The following UPF3B variants were observed in gnomAD, a reference collection of about 807,000 sequenced individuals.
UPF3B encodes regulator of nonsense transcripts 3B.
A neutral mutation model predicts 40.3 loss-of-function variants in UPF3B; 7 were observed. The ratio of observed to expected loss-of-function variants is 0.17; its 90% CI spans 0.10 to 0.33. UPF3B has a LOEUF of 0.33. UPF3B is among the 10% of genes least tolerant of loss of function. UPF3B has a pLI of 1.00. For missense variants in UPF3B, 229 were observed against 358.9 expected, an observed-to-expected ratio of 0.64 and a Z score of 2.93; for synonymous variants, 117 against 117.3, an observed-to-expected ratio of 1.00 and a Z score of 0.01.
Position 119,851,770 on chromosome X carries a change from G to A in UPF3B, c.260C>T (p.Thr87Met), listed in dbSNP as rs201741267. The change falls in exon 2 of 11, where the codon ACG (threonine) becomes ATG (methionine). Residue 87 changes from threonine (T) to methionine (M), a missense_variant. By Grantham distance (81) the Thr-to-Met change is moderately conservative. Around this residue, in one of 3 missense-constraint regions of UPF3B, gnomAD observed 87 missense variants for 184.2 expected, o/e 0.47. Transcript: ENST00000276201. ...TTCCTTTTTTTTTTTTTTTTACCTC[G>A]TATCATTAGAAAAAAACTCAAAATA... ...HDYFEFFSND[T>M]SLYPHMYARA... 7 of 359,803 alleles carry A rather than the reference G, an allele frequency of 1.9e-5. No individual in the cohort carries two copies. Among genetic ancestry groups the A allele is most frequent in the East Asian group, 2.5e-4 (1 of 3,986 alleles). 29.7% of individuals were successfully genotyped at this position (359,803 alleles called of 1,213,427 possible).
chrX:119,852,362 C>T (rs1603372960), intron 1 of UPF3B, among the ~76,000 whole-genome samples: 1 of 111,224 alleles, frequency 9.0e-6, no homozygotes, highest in East Asian at 2.8e-4. Flanking sequence ...AGGATGCTCT[C>T]GATCTACCCT....
At chrX:119,830,173 G>T (rs750895136), downstream of UPF3B, among the ~76,000 whole-genome samples, 2 of 111,543 alleles carry the variant, frequency 1.8e-5, no homozygotes, top group East Asian at 5.6e-4. Flanking sequence ...TGAAAATCAG[G>T]CAAAAGCTCA....
chrX:119,845,559 T>C (rs112552167), intron 3 of UPF3B, among the ~76,000 whole-genome samples: 1 of 112,303 alleles, frequency 8.9e-6, no homozygotes, highest in East Asian at 2.8e-4. Flanking sequence ...GATATTTTAA[T>C]GTGAAAAAGA....
chrX:119,807,027 T>TA (rs1191950024), intron 6 of UPF3B, among the ~76,000 whole-genome samples: 1,043 of 21,192 alleles, frequency 0.049, 46 homozygotes, highest in Admixed American at 0.16. Context: ...AGACCCTGTC[T>TA]AAAAAAAAAA....
At chrX:119,849,016 A>T (rs1205039489) in intron 3 of UPF3B, among the ~76,000 whole-genome samples, 1 of 112,031 alleles carries the variant, frequency 8.9e-6, no homozygotes, top group Admixed American at 9.5e-5. Context: ...ATGGGAAAAA[A>T]ATTCACAAGC....
chrX:119,822,998 C>T (rs1355384671), exon 4 of UPF3B: 47 of 888,262 alleles, frequency 5.3e-5, no homozygotes, highest in Non-Finnish European at 6.4e-5. Context: ...CAGAGTCGAC[C>T]TCGGCCTCGA....
intron 4 of UPF3B, among the ~76,000 whole-genome samples, chrX:119,844,029 T>A (rs1333920394): frequency 2.7e-5 from 3 of 111,803 alleles, no homozygotes; most frequent in Non-Finnish European, 3.8e-5. Context: ...TATTTTGGTT[T>A]TTCAGTTCTT....
At chrX:119,809,567 G>T (rs993030609) in intron 5 of UPF3B, among the ~76,000 whole-genome samples, 1 of 111,187 alleles carries the variant, frequency 9.0e-6, no homozygotes, top group African/African-American at 3.3e-5. Flanking sequence ...CTAAAAAACA[G>T]AAAAATTAGC....
chrX:119,815,603 T>C (rs2055858566), intron 4 of UPF3B, among the ~76,000 whole-genome samples: 1 of 111,730 alleles, frequency 9.0e-6, no homozygotes, highest in South Asian at 3.7e-4. Context: ...ACAACAGCCT[T>C]GACATTCCAG....
At chrX:119,821,747 G>A (rs1457775467) in intron 4 of UPF3B, among the ~76,000 whole-genome samples, 1 of 109,577 alleles carries the variant, frequency 9.1e-6, no homozygotes, top group African/African-American at 3.3e-5. Context: ...GCAGTGAGCC[G>A]AGATTGTGCC....
At chrX:119,813,686 C>T (rs781654349) in intron 5 of UPF3B, among the ~76,000 whole-genome samples, 6 of 108,842 alleles carry the variant, frequency 5.5e-5, no homozygotes, top group Admixed American at 9.9e-5. Context: ...CTCGGCCTCC[C>T]GAGTAGCTTG....
At chrX:119,819,842 CTTTT>C (rs34094727) in intron 4 of UPF3B, among the ~76,000 whole-genome samples, 1 of 68,642 alleles carries the variant, frequency 1.5e-5, no homozygotes, top group Non-Finnish European at 2.8e-5. Flanking sequence ...TCTATTTTTC[CTTTT>C]TTTTTTTTTT....
At chrX:119,813,161 C>T (rs2147754096) in intron 5 of UPF3B, among the ~76,000 whole-genome samples, 1 of 111,923 alleles carries the variant, frequency 8.9e-6, no homozygotes, top group South Asian at 3.8e-4. Flanking sequence ...GAATGAAAAT[C>T]AGGCAAAAGC....
intron 3 of UPF3B, among the ~76,000 whole-genome samples, chrX:119,826,793 C>G (rs1042516417): frequency 8.9e-6 from 1 of 112,059 alleles, no homozygotes; most frequent in African/African-American, 3.2e-5. Flanking sequence ...TGATACGTGG[C>G]TTTCCCAGTA....
chrX:119,846,991 G>T, intron 3 of UPF3B, among the ~76,000 whole-genome samples: 1 of 112,259 alleles, frequency 8.9e-6, no homozygotes, highest in Non-Finnish European at 1.9e-5. Flanking sequence ...TTTCTTCAAA[G>T]ATAATATACA....
intron 1 of UPF3B, among the ~76,000 whole-genome samples, 190 bp from the exon 2 acceptor site, chrX:119,852,063 C>A (rs1603372921): frequency 9.1e-6 from 1 of 110,189 alleles, no homozygotes; most frequent in Middle Eastern, 4.3e-3. Flanking sequence ...TTTAAAAAAA[C>A]CCTTGGAAAT....
chrX:119,851,600 A>G lies in UPF3B; in HGVS notation c.265T>C (p.Leu89=), dbSNP rs761622396. 5.3e-5 allele frequency: 62 copies of G among 1,169,673 alleles called. No homozygotes were observed. Among genetic ancestry groups the G allele is most frequent in the Non-Finnish European group, 6.6e-5 (57 of 858,962 alleles). The change falls in exon 3 of 11, where the codon TTG becomes CTG. Residue 89 remains leucine, a splice_region_variant and synonymous_variant. Coordinates refer to ENST00000276201, the MANE Select transcript of UPF3B (RefSeq NM_080632.3). The stretch of plus-strand genomic sequence containing the variant: ...GCTCTGGCATACATATGAGGATACA[A>G]ACTGCAGAGAGGAAAGCAATTATGT... ...YFEFFSNDTS[L]YPHMYARAYI...
chrX:119,849,743 G>T (rs2056278136), intron 3 of UPF3B, among the ~76,000 whole-genome samples: 1 of 109,983 alleles, frequency 9.1e-6, no homozygotes, highest in South Asian at 3.8e-4. Context: ...TAATTTCATG[G>T]CAATATAATA....
intron 10 of UPF3B, among the ~76,000 whole-genome samples, chrX:119,835,627 C>T (rs7876939): frequency 0.011 from 1,195 of 111,966 alleles, 18 homozygotes; most frequent in African/African-American, 0.037. Context: ...ACAGGAAAAG[C>T]CCTACAAGAC....
Sources: allele counts gnomAD v4.1 joint callset (sites outside exome capture counted in the v4.1 genomes callset), GRCh38; gene constraint gnomAD v4.1.1; regional missense constraint gnomAD v4.1.1; transcripts MANE v1.5; gene names NCBI Gene and HGNC (gene_info 2026-07-23, HGNC 2026-07-21).